Variants in MAPKAPK5 observed in about 807,000 individuals in gnomAD.
The protein encoded by MAPKAPK5 is MAP kinase-activated protein kinase 5.
A neutral mutation model predicts 65.1 loss-of-function variants in MAPKAPK5; 30 were observed. That is an observed-to-expected ratio of 0.46 (90% CI 0.34 to 0.63). The LOEUF is 0.63. Among genes scored for constraint, MAPKAPK5 ranks in the 20% least tolerant of loss-of-function variants. The pLI is 0.01. For synonymous variants in MAPKAPK5, 179 were observed against 204.6 expected (o/e 0.87, Z 1.07); for missense variants, 433 against 581.4 (o/e 0.74, Z 2.63).
chr12:111,845,240 T>G (rs1368480817), intron 1 of MAPKAPK5, among the ~76,000 whole-genome samples: 1 of 152,150 alleles, frequency 6.6e-6, no homozygotes, highest in Non-Finnish European at 1.5e-5. Context: ...TTCTTGTGCC[T>G]TGGCCCTCCG....
chr12:111,892,162 A>G (rs2070637896), intron 13 of MAPKAPK5, among the ~76,000 whole-genome samples: 1 of 152,126 alleles, frequency 6.6e-6, no homozygotes, highest in South Asian at 2.1e-4. Context: ...ATTCATTTTC[A>G]CTGTATGAAT....
rs1245263669 is a variant in MAPKAPK5, at chr12:111,901,200, A to G, written c.*8139A>G. On this transcript the variant is annotated 3_prime_UTR_variant, in exon 14 of 14. Coordinates refer to ENST00000550735, the MANE Select transcript of MAPKAPK5 (RefSeq NM_003668.4). ...CAATGGCACTTACTGTGCACCAAAC[A>G]AAGTCTGCCTGAATTCCGCCTGCAC... The G allele has an allele frequency of 2.2e-6, 1 of 456,068 alleles. No homozygotes were observed. Among genetic ancestry groups the G allele is most frequent in the Admixed American group, 2.3e-5 (1 of 42,564 alleles). The allele number at this position is 456,068 out of a possible 1,614,324, so 28.3% of individuals were successfully genotyped here. A position where few individuals can be genotyped will look rare whatever the true frequency, so the allele number is the denominator to read the frequency against.
At chr12:111,884,469 C>T (rs1397723928) in intron 9 of MAPKAPK5, among the ~76,000 whole-genome samples, 1 of 152,220 alleles carries the variant, frequency 6.6e-6, no homozygotes, top group African/African-American at 2.4e-5. Flanking sequence ...CCTCGGCCTT[C>T]CCAAGTGCTG....
At position 111,842,631 on chromosome 12, in the gene MAPKAPK5, A is replaced by C. The variant is rs1682783189; in HGVS notation, c.-103A>C. 1.3e-5 allele frequency: 10 copies of C among 796,306 alleles called. No individual in the cohort carries two copies. The highest frequency in any genetic ancestry group is 8.7e-6 in the Non-Finnish European group (5 of 573,990). 49.3% of individuals were successfully genotyped at this position (796,306 alleles called of 1,614,324 possible). ...GGGGCGGCTGCTGCCCGTCGCCACG[A>C]GGCCCAGGGGCCCGAGTGCCGAGCC... On this transcript the variant is annotated 5_prime_UTR_variant, in exon 1 of 14. Coordinates refer to ENST00000550735, the MANE Select transcript of MAPKAPK5 (RefSeq NM_003668.4).
rs1441002422 is a variant in MAPKAPK5, at chr12:111,893,018, A to G, written c.1373A>G (p.Lys458Arg). 10 of 1,585,600 alleles carry G rather than the reference A, an allele frequency of 6.3e-6. No homozygotes were observed. The East Asian group carries it at 9.2e-5, about 15-fold the overall frequency. The stretch of plus-strand genomic sequence containing the variant: ...CGACTAAAACTGGCAGAAATTGTGA[A>G]GCAGGTGATAGAAGAGCAAACCACG... ...VDRLKLAEIVKQVIEEQTTSH... is the reference protein window; with the variant it reads ...VDRLKLAEIVRQVIEEQTTSH... The change falls in exon 14 of 14, where the codon AAG becomes AGG. Residue 458 changes from lysine (K) to arginine (R), a missense_variant. Around this residue, in one of 3 missense-constraint regions of MAPKAPK5, gnomAD observed 169 missense variants for 215.6 expected, o/e 0.78. Coordinates refer to ENST00000550735, the MANE Select transcript of MAPKAPK5 (RefSeq NM_003668.4).
At position 111,849,906 on chromosome 12, in the gene MAPKAPK5, A is replaced by G. The variant is rs116284901; in HGVS notation, c.36+7137A>G. Among the ~76,000 whole-genome samples the G allele has an allele frequency of 6.6e-5, 10 of 151,398 alleles. No individual in the cohort carries two copies. In the East Asian group the frequency reaches 9.8e-4, roughly 15 times the overall value. The stretch of plus-strand genomic sequence containing the variant: ...TAATTAAAATAACTTTTTTTTTTGT[A>G]GAGACACGGGTCCCACTGTGTAGCC... On this transcript the variant is annotated intron_variant, in intron 1 of 13. Coordinates refer to ENST00000550735, the MANE Select transcript of MAPKAPK5 (RefSeq NM_003668.4).
At chr12:111,865,561 GGC>G (rs2069572418) in intron 2 of MAPKAPK5, among the ~76,000 whole-genome samples, 2 of 152,244 alleles carry the variant, frequency 1.3e-5, no homozygotes, top group African/African-American at 4.8e-5. Context: ...AGACTGGCCA[GGC>G]GCGGTGGCTC....
At chr12:111,852,184 G>T (rs143340429) in intron 1 of MAPKAPK5, among the ~76,000 whole-genome samples, 12 of 152,294 alleles carry the variant, frequency 7.9e-5, no homozygotes, top group African/African-American at 2.6e-4. Context: ...GATTAGTATT[G>T]TATAGAAATG....
At chr12:111,873,585 C>T (rs1053883698) in intron 7 of MAPKAPK5, among the ~76,000 whole-genome samples, 6 of 152,098 alleles carry the variant, frequency 3.9e-5, no homozygotes, top group African/African-American at 7.2e-5. Context: ...CCTCGTGATC[C>T]GCCTGCTTCG....
chr12:111,886,792 T>C (rs1271870873), intron 10 of MAPKAPK5, among the ~76,000 whole-genome samples: 1 of 152,190 alleles, frequency 6.6e-6, no homozygotes, highest in Non-Finnish European at 1.5e-5. Context: ...GATTTGCCAC[T>C]AGGAAGGTAT....
chr12:111,863,284 A>C (rs2069502698), intron 1 of MAPKAPK5, among the ~76,000 whole-genome samples: 1 of 152,242 alleles, frequency 6.6e-6, no homozygotes, highest in Admixed American at 6.5e-5. Context: ...ATATCCCTTC[A>C]TCACAAGGCT....
At chr12:111,846,500 CTTTTTTT>C (rs200305971) in intron 1 of MAPKAPK5, among the ~76,000 whole-genome samples, 1 of 107,112 alleles carries the variant, frequency 9.3e-6, no homozygotes, top group Admixed American at 8.6e-5. Flanking sequence ...GTTTCTTTTT[CTTTTTTT>C]TTTTTTTTGA....
chr12:111,853,971 A>G (rs1197424199), intron 1 of MAPKAPK5, among the ~76,000 whole-genome samples: 2 of 152,220 alleles, frequency 1.3e-5, no homozygotes, highest in Admixed American at 6.5e-5. Context: ...TCAGATATTA[A>G]GCCAATCTTG....
In MAPKAPK5 at chr12:111,896,875, T is replaced by C. The variant is rs995694219; in HGVS notation, c.*3814T>C. On this transcript the variant is annotated 3_prime_UTR_variant, in exon 14 of 14. Transcript: ENST00000550735. ...TCAGCGTGGTGGCTCATGCCTTTAG[T>C]AATCCCAGCACTTTGGGAAGCTGAG... 2.0e-5 allele frequency: 3 copies of C among 152,250 alleles called. No individual in the cohort carries two copies. The highest frequency in any genetic ancestry group is 1.3e-4 in the Admixed American group (2 of 15,284). The allele number at this position is 152,250 out of a possible 1,614,324, so 9.4% of individuals were successfully genotyped here. A position where few individuals can be genotyped will look rare whatever the true frequency, so the allele number is the denominator to read the frequency against.
At chr12:111,875,162 T>G (rs1208412859) in intron 7 of MAPKAPK5, among the ~76,000 whole-genome samples, 3 of 152,138 alleles carry the variant, frequency 2.0e-5, no homozygotes, top group African/African-American at 7.2e-5. Flanking sequence ...TTTGTAGATT[T>G]ATTAGGATTT....
chr12:111,850,968 G>A (rs1383906290), intron 1 of MAPKAPK5, among the ~76,000 whole-genome samples: 3 of 150,200 alleles, frequency 2.0e-5, no homozygotes, highest in Admixed American at 1.3e-4. Context: ...GCACGATCGC[G>A]GCTCACTGCA....
chr12:111,849,435 T>C (rs999156085), intron 1 of MAPKAPK5, among the ~76,000 whole-genome samples: 1 of 152,060 alleles, frequency 6.6e-6, no homozygotes, highest in Non-Finnish European at 1.5e-5. Context: ...TTTGTATTTT[T>C]AGTAGAGACT....
chr12:111,896,513 C>G lies in MAPKAPK5; in HGVS notation c.*3452C>G, dbSNP rs1264962740. 1.3e-5 allele frequency: 2 copies of G among 152,154 alleles called. No homozygotes were observed. The highest frequency in any genetic ancestry group is 4.8e-5 in the African/African-American group (2 of 41,448). The allele number at this position is 152,154 out of a possible 1,614,324, so 9.4% of individuals were successfully genotyped here. A position where few individuals can be genotyped will look rare whatever the true frequency, so the allele number is the denominator to read the frequency against. On this transcript the variant is annotated 3_prime_UTR_variant, in exon 14 of 14. Coordinates refer to ENST00000550735, the MANE Select transcript of MAPKAPK5 (RefSeq NM_003668.4). Reference sequence around the variant, plus strand: ...AGTCCAGCAGTAAATTCTGCTTTAACATAACTGTCAGGTTTGCTACTCGAA... The same window carrying G: ...AGTCCAGCAGTAAATTCTGCTTTAAGATAACTGTCAGGTTTGCTACTCGAA...
intron 1 of MAPKAPK5, among the ~76,000 whole-genome samples, chr12:111,855,293 T>C (rs114267754): frequency 3.3e-4 from 51 of 152,300 alleles, no homozygotes; most frequent in African/African-American, 1.2e-3. Flanking sequence ...AAATCTTTAT[T>C]ATTTTCTTCT....
Sources: allele counts gnomAD v4.1 joint callset (sites outside exome capture counted in the v4.1 genomes callset), GRCh38; gene constraint gnomAD v4.1.1; regional missense constraint gnomAD v4.1.1; transcripts MANE v1.5; gene names NCBI Gene and HGNC (gene_info 2026-07-23, HGNC 2026-07-21).